Variants in SIPA1L3 observed in about 807,000 individuals in gnomAD.
The protein encoded by SIPA1L3 is signal induced proliferation associated 1 like 3.
A neutral mutation model predicts 150.1 loss-of-function variants in SIPA1L3; 59 were observed. The observed-to-expected ratio is 0.39, with a 90% CI of 0.32 to 0.49. SIPA1L3 has a LOEUF of 0.49. Among genes scored for constraint, SIPA1L3 ranks in the 20% least tolerant of loss-of-function variants. SIPA1L3 has a pLI of 0.86. For synonymous variants in SIPA1L3, 1,070 were observed against 1,077.6 expected, an observed-to-expected ratio of 0.99 and a Z score of 0.14; for missense variants, 2,211 against 2,489.5, an observed-to-expected ratio of 0.89 and a Z score of 2.38.
intron 2 of SIPA1L3, among the ~76,000 whole-genome samples, chr19:38,059,954 T>C (rs374914799): frequency 1.3e-5 from 2 of 152,256 alleles, no homozygotes. Context: ...TTTGTACTTT[T>C]AGTAGAGACG....
intron 1 of SIPA1L3, among the ~76,000 whole-genome samples, chr19:38,025,935 G>C (rs1449824715): frequency 6.6e-6 from 1 of 152,160 alleles, no homozygotes; most frequent in Non-Finnish European, 1.5e-5. Flanking sequence ...TATAGTGACT[G>C]TTTCTAATTT....
chr19:38,082,277 C>T lies in SIPA1L3; in HGVS notation c.712C>T (p.Leu238Phe), dbSNP rs748264200. The T allele has an allele frequency of 1.1e-5, 17 of 1,600,144 alleles. No homozygotes were observed. In the South Asian group the frequency reaches 1.6e-4, roughly 16 times the overall value. ...EQPDARGCQA[L>F]TELLRADPGP... ...GCCCGACGCCCGAGGGTGCCAGGCCCTCACCGAGCTCCTCCGGGCAGATCC... is the reference window on the plus strand; with the variant it reads ...GCCCGACGCCCGAGGGTGCCAGGCCTTCACCGAGCTCCTCCGGGCAGATCC... Residue 238 changes from leucine (L) to phenylalanine (F), a missense_variant, in exon 3 of 22, where the codon CTC (leucine) becomes TTC (phenylalanine). By Grantham distance (22) the Leu-to-Phe change is conservative. This residue lies in a region of SIPA1L3 where 587 missense variants were observed against 534.5 expected (regional missense o/e 1.10). Transcript: ENST00000222345.
At chr19:37,961,580 G>A (rs761692398) in intron 1 of SIPA1L3, among the ~76,000 whole-genome samples, 10 of 152,170 alleles carry the variant, frequency 6.6e-5, no homozygotes, top group African/African-American at 9.7e-5. Flanking sequence ...ATTTGACTAC[G>A]TTGTGTCCAG....
At position 38,140,784 on chromosome 19, in the gene SIPA1L3, G is replaced by A. The variant is rs117095438; in HGVS notation, c.3144-400G>A. Among the ~76,000 whole-genome samples the A allele has an allele frequency of 2.9e-4, 44 of 152,264 alleles. No homozygotes were observed. The East Asian group carries it at 4.3e-3, about 15-fold the overall frequency. ...TAAAATAGGCCATCCCCAGCCGGGCGCGGTGGCTCACTCCTATAATCCCAG... is the reference window on the plus strand; with the variant it reads ...TAAAATAGGCCATCCCCAGCCGGGCACGGTGGCTCACTCCTATAATCCCAG... On this transcript the variant is annotated intron_variant, in intron 10 of 21. Coordinates refer to ENST00000222345, the MANE Select transcript of SIPA1L3 (RefSeq NM_015073.3).
intron 10 of SIPA1L3, among the ~76,000 whole-genome samples, chr19:38,137,804 A>G (rs538867145): frequency 9.2e-5 from 14 of 152,068 alleles, no homozygotes; most frequent in Non-Finnish European, 1.8e-4. Flanking sequence ...GGTCGTACCC[A>G]GGGACTCTTA....
chr19:38,159,454 AG>A (rs1309735728), intron 13 of SIPA1L3, among the ~76,000 whole-genome samples: 1 of 152,132 alleles, frequency 6.6e-6, no homozygotes, highest in African/African-American at 2.4e-5. Context: ...TGGACATCCT[AG>A]GTGTCTCTCC....
chr19:38,143,895 C>T (rs1971649453), intron 12 of SIPA1L3, among the ~76,000 whole-genome samples: 1 of 152,150 alleles, frequency 6.6e-6, no homozygotes, highest in Non-Finnish European at 1.5e-5. Context: ...CCACCACTCC[C>T]AGAGCCCTCA....
At chr19:37,976,424 T>G (rs924274182) in intron 1 of SIPA1L3, among the ~76,000 whole-genome samples, 1 of 152,136 alleles carries the variant, frequency 6.6e-6, no homozygotes, top group Non-Finnish European at 1.5e-5. Flanking sequence ...TGCCGGCCAG[T>G]CTGGCAGAAA....
chr19:38,150,529 CTTTTTTTTTT>C (rs201046693), intron 12 of SIPA1L3, among the ~76,000 whole-genome samples: 2 of 119,836 alleles, frequency 1.7e-5, no homozygotes, highest in Admixed American at 8.8e-5. Flanking sequence ...AATATCAACA[CTTTTTTTTTT>C]TTTTTTTTTT....
At chr19:37,962,572 G>C (rs1314757527) in intron 1 of SIPA1L3, among the ~76,000 whole-genome samples, 1 of 147,816 alleles carries the variant, frequency 6.8e-6, no homozygotes, top group East Asian at 2.0e-4. Flanking sequence ...GGGCTCAAAT[G>C]ATTCTCTTGC....
intron 8 of SIPA1L3, among the ~76,000 whole-genome samples, chr19:38,112,512 T>C (rs894753673): frequency 6.6e-6 from 1 of 152,176 alleles, no homozygotes; most frequent in Non-Finnish European, 1.5e-5. Context: ...GAGTGATTTC[T>C]TCTCTCTCAC....
At chr19:37,994,529 G>A (rs1416333280) in intron 1 of SIPA1L3, among the ~76,000 whole-genome samples, 1 of 152,122 alleles carries the variant, frequency 6.6e-6, no homozygotes, top group Non-Finnish European at 1.5e-5. Flanking sequence ...CTGAAGGTCT[G>A]AGCACAGCCA....
At chr19:37,932,956 G>C (rs1054468804) in intron 1 of SIPA1L3, among the ~76,000 whole-genome samples, 1 of 151,788 alleles carries the variant, frequency 6.6e-6, no homozygotes, top group African/African-American at 2.4e-5. Flanking sequence ...GCAGACTTCT[G>C]TGCCGGGGCT....
chr19:38,115,086 C>CT (rs1644300195), intron 8 of SIPA1L3, among the ~76,000 whole-genome samples: 1 of 152,222 alleles, frequency 6.6e-6, no homozygotes, highest in African/African-American at 2.4e-5. Context: ...TGGGAAGATG[C>CT]TGCATCCAGG....
chr19:37,967,129 C>G (rs948201672), intron 1 of SIPA1L3, among the ~76,000 whole-genome samples: 1 of 152,090 alleles, frequency 6.6e-6, no homozygotes, highest in Non-Finnish European at 1.5e-5. Flanking sequence ...CTGTACCCCT[C>G]CCTCAGCTGC....
chr19:38,144,931 C>T (rs1220544229), intron 12 of SIPA1L3, among the ~76,000 whole-genome samples: 1 of 152,132 alleles, frequency 6.6e-6, no homozygotes, highest in East Asian at 1.9e-4. Context: ...GAGAAAAAGT[C>T]ATTCCAAACA....
At chr19:38,174,577 C>A (rs959598234) in intron 15 of SIPA1L3, among the ~76,000 whole-genome samples, 3 of 152,290 alleles carry the variant, frequency 2.0e-5, no homozygotes, top group Middle Eastern at 3.4e-3. Flanking sequence ...GTCAACCAGA[C>A]ACGGTGGCTC....
intron 8 of SIPA1L3, among the ~76,000 whole-genome samples, chr19:38,113,161 A>G (rs981154198): frequency 1.3e-5 from 2 of 151,966 alleles, no homozygotes; most frequent in African/African-American, 2.4e-5. Flanking sequence ...CAGTGAGCCA[A>G]GATTGCACCA....
At chr19:38,145,134 CTGT>C (rs139738083) in intron 12 of SIPA1L3, among the ~76,000 whole-genome samples, 9 of 151,658 alleles carry the variant, frequency 5.9e-5, no homozygotes, top group South Asian at 2.1e-4. Context: ...CTCTTGGGAA[CTGT>C]TGTTGTTGTT....
Sources: gnomAD v4.1 joint callset for allele counts (sites outside exome capture counted in the v4.1 genomes callset) on GRCh38, gnomAD v4.1.1 for gene constraint, gnomAD v4.1.1 regional missense constraint, MANE v1.5 for transcripts, NCBI Gene and HGNC (gene_info 2026-07-23, HGNC 2026-07-21) for gene names.